OTOA: variants seen among roughly 807,000 people sequenced by gnomAD.
OTOA encodes otoancorin.
OTOA carries 70 observed loss-of-function variants against 110.8 expected under a neutral mutation model. The observed-to-expected ratio is 0.63, with a 90% CI of 0.52 to 0.77. The LOEUF is 0.77. Among genes scored for constraint, OTOA ranks in the 30% least tolerant of loss-of-function variants. The pLI is 0.00. For synonymous variants in OTOA, 373 were observed against 431.5 expected, an observed-to-expected ratio of 0.86 and a Z score of 1.68; for missense variants, 917 against 1,075.8, an observed-to-expected ratio of 0.85 and a Z score of 2.06.
chr16:21,664,971 C>CATTA (rs777839065), intron 1 of OTOA, among the ~76,000 whole-genome samples: 30 of 142,638 alleles, frequency 2.1e-4, no homozygotes, highest in African/African-American at 8.3e-4. Context: ...GACTCTGTCT[C>CATTA]ATGAATGAAT....
chr16:21,685,496 C>A (rs1200607693), intron 7 of OTOA, 135 bp downstream of exon 7: 2 of 1,282,064 alleles, frequency 1.6e-6, no homozygotes, highest in African/African-American at 1.5e-5. Flanking sequence ...TCCTCCAACC[C>A]CCTGGGGGCT....
chr16:21,716,906 G>T lies in OTOA; in HGVS notation c.1489-1G>T. The T allele has an allele frequency of 6.2e-7, 1 of 1,613,938 alleles. No individual in the cohort carries two copies. Among genetic ancestry groups the T allele is most frequent in the Non-Finnish European group, 8.5e-7 (1 of 1,179,966 alleles). On this transcript the variant is annotated splice_acceptor_variant, in intron 14 of 28. Coordinates refer to ENST00000646100, the MANE Select transcript of OTOA (RefSeq NM_144672.4). LOFTEE classifies it high-confidence loss of function. ...GTTTTGTTGCTTCTCGCTTCTGGCA[G>T]ATGGTCCAAGCGGAAGACACTGCCC... is the stretch of plus-strand genomic sequence containing the variant.
At chr16:21,688,255 GTGGGCGCC>G (rs1897759619) in intron 8 of OTOA, among the ~76,000 whole-genome samples, 1 of 152,000 alleles carries the variant, frequency 6.6e-6, no homozygotes, top group African/African-American at 2.4e-5. Context: ...GGGCATGGTG[GTGGGCGCC>G]TGTAATCTCA....
At chr16:21,710,142 A>T (rs745542766) in intron 13 of OTOA, 39 bp downstream of exon 13, 1 of 1,542,486 alleles carries the variant, frequency 6.5e-7, no homozygotes, top group Middle Eastern at 1.7e-4. Flanking sequence ...TTCCCCTAAG[A>T]TGACCTAAGT....
At position 21,726,558 on chromosome 16, in the gene OTOA, G is replaced by A; in HGVS notation, c.1916G>A (p.Cys639Tyr). The A allele has an allele frequency of 6.2e-7, 1 of 1,614,050 alleles. No individual in the cohort carries two copies. Among genetic ancestry groups the A allele is most frequent in the Non-Finnish European group, 8.5e-7 (1 of 1,180,010 alleles). Residue 639 changes from cysteine to tyrosine, a missense_variant, in exon 19 of 29, where the codon TGT becomes TAT. Physicochemically the swap from Cys to Tyr is radical, Grantham distance 194 (BLOSUM62 -2). Around this residue, in one of 6 missense-constraint regions of OTOA, gnomAD observed 840 missense variants for 910.2 expected, o/e 0.92. Coordinates refer to ENST00000646100, the MANE Select transcript of OTOA (RefSeq NM_144672.4). ...RYLASVPASQ[C>Y]VPFLISLGKS... The stretch of plus-strand genomic sequence containing the variant: ...CTGGCTTCTGTCCCAGCCTCCCAGT[G>A]TGTGCCCTTTCTGATCAGCCTGGGG...
intron 1 of OTOA, among the ~76,000 whole-genome samples, chr16:21,675,098 TTTCTTTC>T (rs1157305705): frequency 1.5e-5 from 2 of 137,262 alleles, no homozygotes; most frequent in African/African-American, 6.2e-5. Context: ...TCTTTCTTTC[TTTCTTTC>T]TTTCTTTCTT....
At chr16:21,683,494 A>G (rs142551088) in intron 6 of OTOA, among the ~76,000 whole-genome samples, 2 of 152,178 alleles carry the variant, frequency 1.3e-5, no homozygotes, top group African/African-American at 4.8e-5. Context: ...GGAGTTGGAG[A>G]CAAGCCTTGC....
rs201485008 is a variant in OTOA at position 21,709,860 on chromosome 16, C to A, written c.1105-28C>A. The A allele has an allele frequency of 6.3e-6, 10 of 1,579,424 alleles. No homozygotes were observed. In the South Asian group the frequency reaches 8.9e-5, roughly 14 times the overall value. On this transcript the variant is annotated intron_variant, in intron 12 of 28. Transcript: ENST00000646100. Reference sequence around the variant, plus strand: ...GAGCCACCGCCCTGCTTCCTGTCAACACTCATTCCAGTTTGCTCTCCTTCC... The same window carrying A: ...GAGCCACCGCCCTGCTTCCTGTCAAAACTCATTCCAGTTTGCTCTCCTTCC...
At chr16:21,699,820 G>A (rs954436313) in intron 10 of OTOA, among the ~76,000 whole-genome samples, 1 of 152,228 alleles carries the variant, frequency 6.6e-6, no homozygotes, top group East Asian at 1.9e-4. Flanking sequence ...TCAGGAGGCT[G>A]AGGCAGGAGT....
At chr16:21,671,454 G>A (rs939280225) in intron 1 of OTOA, among the ~76,000 whole-genome samples, 1 of 151,756 alleles carries the variant, frequency 6.6e-6, no homozygotes, top group Non-Finnish European at 1.5e-5. Flanking sequence ...TGGTGTGGTG[G>A]TGGGTACCTG....
intron 27 of OTOA, among the ~76,000 whole-genome samples, chr16:21,756,555 GT>G (rs1461321873): frequency 6.6e-6 from 1 of 152,026 alleles, no homozygotes; most frequent in African/African-American, 2.4e-5. Flanking sequence ...CCACATCAGT[GT>G]TTCAGGAGGT....
chr16:21,718,441 C>T (rs190021803), intron 15 of OTOA, among the ~76,000 whole-genome samples: 4 of 152,270 alleles, frequency 2.6e-5, no homozygotes, highest in African/African-American at 7.2e-5. Flanking sequence ...TTTCCTCCAT[C>T]GTCCATTCCT....
At chr16:21,698,434 C>T (rs1430801291) in intron 10 of OTOA, among the ~76,000 whole-genome samples, 1 of 152,152 alleles carries the variant, frequency 6.6e-6, no homozygotes, top group East Asian at 1.9e-4. Context: ...GACCCAATGA[C>T]ACTAAAATCC....
At chr16:21,736,166 A>G (rs1899287037) in intron 21 of OTOA, 95 bp from the exon 22 acceptor site, 2 of 1,143,188 alleles carry the variant, frequency 1.7e-6, no homozygotes, top group African/African-American at 3.0e-5. Flanking sequence ...CAAAGAATGA[A>G]GGCAGTAAGT....
intron 19 of OTOA, among the ~76,000 whole-genome samples, chr16:21,727,519 G>C (rs1214182065): frequency 6.6e-6 from 1 of 152,186 alleles, no homozygotes; most frequent in Non-Finnish European, 1.5e-5. Context: ...TCAGGACGGT[G>C]CCCGCACATA....
At chr16:21,710,142 A>C in intron 13 of OTOA, 39 bp downstream of exon 13, 1 of 1,542,604 alleles carries the variant, frequency 6.5e-7, no homozygotes, top group Non-Finnish European at 8.8e-7. Context: ...TTCCCCTAAG[A>C]TGACCTAAGT....
At chr16:21,728,613 G>A (rs1283754794) in intron 20 of OTOA, among the ~76,000 whole-genome samples, 182 bp downstream of exon 20, 2 of 150,066 alleles carry the variant, frequency 1.3e-5, no homozygotes, top group Admixed American at 6.6e-5. Flanking sequence ...TTTCTTAGAC[G>A]GAGTCTCGCT....
intron 10 of OTOA, among the ~76,000 whole-genome samples, chr16:21,700,268 G>C (rs1258999949): frequency 1.3e-5 from 2 of 152,148 alleles, no homozygotes; most frequent in Admixed American, 6.6e-5. Context: ...CAGAAAGTTT[G>C]TGGACCACAT....
rs78586569 is a variant in OTOA at position 21,716,768 on chromosome 16, G to C, written c.1489-139G>C. The C allele has an allele frequency of 4.6e-3, 4,331 of 941,210 alleles. 151 individuals are homozygous for C. In the African/African-American group the frequency reaches 0.062, roughly 13 times the overall value. The allele number at this position is 941,210 out of a possible 1,614,324, so 58.3% of individuals were successfully genotyped here. Reference sequence around the variant, plus strand: ...TCTCTGTTTCCTCACCTGTGAAATGGGGATGATGCTACTCTCCACTTCCTA... The same window carrying C: ...TCTCTGTTTCCTCACCTGTGAAATGCGGATGATGCTACTCTCCACTTCCTA... On this transcript the variant is annotated intron_variant, in intron 14 of 28. Transcript: ENST00000646100.
Sources: allele counts gnomAD v4.1 joint callset (sites outside exome capture counted in the v4.1 genomes callset), GRCh38; gene constraint gnomAD v4.1.1; regional missense constraint gnomAD v4.1.1; transcripts MANE v1.5; gene names NCBI Gene and HGNC (gene_info 2026-07-23, HGNC 2026-07-21).